MARK3: variants seen among roughly 807,000 people sequenced by gnomAD.
MARK3 encodes MAP/microtubule affinity-regulating kinase 3.
Under a neutral mutation model 90.1 loss-of-function variants are expected in MARK3, and 46 were observed. That is an observed-to-expected ratio of 0.51 (90% confidence interval 0.40 to 0.65). The LOEUF is 0.65. MARK3 is among the 30% of genes least tolerant of loss of function. The probability of loss-of-function intolerance (pLI) is 0.00; values close to 1 mark genes in which losing one functional copy is unlikely to be tolerated. For missense variants in MARK3, 818 were observed against 947.2 expected (o/e 0.86, Z 1.79); for synonymous variants, 321 against 332.6 (o/e 0.97, Z 0.38).
chr14:103,458,758 A>G, intron 6 of MARK3: 1 of 730,374 alleles, frequency 1.4e-6, no homozygotes, highest in Non-Finnish European at 2.5e-6. Flanking sequence ...ATTAAAGTTC[A>G]AGTCTCCTTT....
chr14:103,481,757 C>CTTTT lies in MARK3; in HGVS notation c.1586+1291_1586+1294dup, dbSNP rs71126030. ...CAGATAATGATTGATATAGGTATTT[C>CTTTT]TTTTTTTTTTTTTTTTTTTTTTTTT... On this transcript the variant is annotated intron_variant, in intron 14 of 17. Transcript: ENST00000429436. 5.4e-4 allele frequency among the ~76,000 whole-genome samples: 27 copies of CTTTT among 49,800 alleles called. 6 individuals carry two copies. The highest frequency in any genetic ancestry group is 8.7e-4 in the African/African-American group (10 of 11,526). 32.7% of individuals were successfully genotyped at this position (49,800 alleles called of 152,430 possible). A position where few individuals can be genotyped will look rare whatever the true frequency, so the allele number is the denominator to read the frequency against.
chr14:103,400,898 C>CAA (rs34861063), intron 1 of MARK3, among the ~76,000 whole-genome samples: 765 of 69,978 alleles, frequency 0.011, 21 homozygotes, highest in African/African-American at 0.028. Context: ...GACCCTGTCT[C>CAA]AAAAAAAAAA....
chr14:103,435,321 A>G (rs948078891), intron 3 of MARK3, among the ~76,000 whole-genome samples: 2 of 151,420 alleles, frequency 1.3e-5, no homozygotes, highest in African/African-American at 2.4e-5. Context: ...ATCTCAGTAC[A>G]CACCCCAGAT....
At chr14:103,476,156 G>A (rs146524625) in intron 13 of MARK3, among the ~76,000 whole-genome samples, 36 of 152,252 alleles carry the variant, frequency 2.4e-4, no homozygotes, top group African/African-American at 8.2e-4. Flanking sequence ...AGTTATTTCG[G>A]ACACCTGCTG....
chr14:103,469,846 A>G (rs1318481536), intron 12 of MARK3, among the ~76,000 whole-genome samples: 4 of 151,680 alleles, frequency 2.6e-5, no homozygotes, highest in Non-Finnish European at 5.9e-5. Context: ...GTGGATCACT[A>G]GGTCAGGAGT....
intron 1 of MARK3, among the ~76,000 whole-genome samples, chr14:103,389,709 C>T (rs1222206778): frequency 7.3e-5 from 11 of 151,518 alleles, no homozygotes; most frequent in South Asian, 2.1e-4. Flanking sequence ...TTTGGGAGGC[C>T]GGGGCAGGTG....
At chr14:103,425,914 G>T (rs1595610357) in intron 2 of MARK3, among the ~76,000 whole-genome samples, 2 of 152,268 alleles carry the variant, frequency 1.3e-5, no homozygotes, top group South Asian at 4.2e-4. Flanking sequence ...TAGACTCATA[G>T]GGAATAAATA....
chr14:103,404,931 T>C, intron 1 of MARK3, 145 bp from the exon 2 acceptor site: 1 of 551,394 alleles, frequency 1.8e-6, no homozygotes, highest in Non-Finnish European at 3.1e-6. Context: ...AAATTTATAT[T>C]ATGTGGTTAA....
intron 4 of MARK3, among the ~76,000 whole-genome samples, chr14:103,451,347 AT>A (rs576949129): frequency 1.1e-3 from 163 of 152,334 alleles, no homozygotes; most frequent in Non-Finnish European, 1.9e-3. Context: ...AATGATTCTT[AT>A]AAAAAAGATT....
At chr14:103,475,375 GTATT>G (rs1176809246) in intron 13 of MARK3, among the ~76,000 whole-genome samples, 165 bp downstream of exon 13, 1 of 152,144 alleles carries the variant, frequency 6.6e-6, no homozygotes, top group East Asian at 1.9e-4. Flanking sequence ...TGCATTGTAG[GTATT>G]TATTGTTGAC....
intron 2 of MARK3, among the ~76,000 whole-genome samples, chr14:103,427,497 C>CAA (rs71126021): frequency 0.23 from 25,209 of 110,708 alleles, 3,258 homozygotes; most frequent in Middle Eastern, 0.28. Context: ...GAGACTGTTT[C>CAA]AAAAAAAAAA....
At chr14:103,438,482 A>G (rs900071750) in intron 3 of MARK3, among the ~76,000 whole-genome samples, 2 of 152,178 alleles carry the variant, frequency 1.3e-5, no homozygotes, top group African/African-American at 4.8e-5. Flanking sequence ...AGTACTTTCC[A>G]TATGGGAAGG....
chr14:103,412,677 G>A (rs2091721338), intron 2 of MARK3: 2 of 829,338 alleles, frequency 2.4e-6, no homozygotes, highest in Non-Finnish European at 3.9e-6. Context: ...ACCATCTTCA[G>A]GAACTTGGGG....
intron 3 of MARK3, among the ~76,000 whole-genome samples, chr14:103,442,384 A>G (rs1208420509): frequency 6.9e-6 from 1 of 145,916 alleles, no homozygotes. Context: ...AAAAAAAAAT[A>G]ACAGCACTTC....
At position 103,428,373 on chromosome 14, in the gene MARK3, A is replaced by T. The variant is rs1408436716; in HGVS notation, c.244-14A>T. On this transcript the variant is annotated splice_polypyrimidine_tract_variant and intron_variant, in intron 2 of 17. Transcript: ENST00000429436. ...AAATTCTTAAAATCCATAAATATTT[A>T]TTATTCTTTCTAGGTTGCAATAAAA... The T allele has an allele frequency of 2.3e-6, 3 of 1,315,820 alleles. No homozygotes were observed. Among genetic ancestry groups the T allele is most frequent in the Non-Finnish European group, 3.2e-6 (3 of 949,830 alleles). 81.5% of individuals were successfully genotyped at this position (1,315,820 alleles called of 1,614,324 possible).
intron 14 of MARK3, among the ~76,000 whole-genome samples, chr14:103,483,572 G>A (rs2093866014): frequency 6.6e-6 from 1 of 151,702 alleles, no homozygotes; most frequent in Non-Finnish European, 1.5e-5. Context: ...GTTCTTACTA[G>A]GCCAATCTTT....
At chr14:103,461,527 A>G (rs902469497) in intron 6 of MARK3, among the ~76,000 whole-genome samples, 6 of 152,220 alleles carry the variant, frequency 3.9e-5, no homozygotes, top group African/African-American at 1.2e-4. Context: ...ACGTCGCAAC[A>G]TTCATTCCTC....
At chr14:103,422,753 A>G (rs1055574526) in intron 2 of MARK3, among the ~76,000 whole-genome samples, 2 of 152,090 alleles carry the variant, frequency 1.3e-5, no homozygotes, top group African/African-American at 2.4e-5. Flanking sequence ...TTTTGTGTCT[A>G]TTTCTTTTAC....
chr14:103,438,989 A>G (rs1026230824), intron 3 of MARK3, among the ~76,000 whole-genome samples: 1 of 136,478 alleles, frequency 7.3e-6, no homozygotes, highest in African/African-American at 2.5e-5. Context: ...CTCCTTCTCT[A>G]ATTAAAAAAA....
Sources: allele counts gnomAD v4.1 joint callset (sites outside exome capture counted in the v4.1 genomes callset), GRCh38; gene constraint gnomAD v4.1.1; transcripts MANE v1.5; gene names NCBI Gene and HGNC (gene_info 2026-07-23, HGNC 2026-07-21).